ZNF581: variants seen among roughly 807,000 people sequenced by gnomAD.
ZNF581 encodes zinc finger protein 581.
Under a neutral mutation model 1.2 loss-of-function variants are expected in ZNF581, and 1 was observed. The ratio of observed to expected loss-of-function variants is 0.83; its 90% CI spans 0.30 to 3.95. The LOEUF (loss-of-function observed/expected upper bound fraction) is 3.95. Among genes scored for constraint, ZNF581 ranks in the 30% most tolerant of loss-of-function variants. ZNF581 has a pLI of 0.18. For missense variants in ZNF581, 273 were observed against 274.6 expected, an observed-to-expected ratio of 0.99 and a Z score of 0.04; for synonymous variants, 105 against 109.2, an observed-to-expected ratio of 0.96 and a Z score of 0.24.
chr19:55,642,612 C>T, upstream of ZNF581: 3 of 1,456,864 alleles, frequency 2.1e-6, no homozygotes, highest in South Asian at 4.5e-5. Flanking sequence ...GCGGAAGGCC[C>T]CTCCTCCACT....
chr19:55,636,095 A>G (rs1443266817), upstream of ZNF581, among the ~76,000 whole-genome samples: 1 of 152,204 alleles, frequency 6.6e-6, no homozygotes, highest in Non-Finnish European at 1.5e-5. Flanking sequence ...TTCTAGGCTG[A>G]GAAACTCGGA....
At chr19:55,641,226 A>T (rs1982447089), upstream of ZNF581, 1 of 968,322 alleles carries the variant, frequency 1.0e-6, no homozygotes, top group African/African-American at 1.8e-5. Context: ...CCCTGGGACG[A>T]CGCCGGGGCC....
chr19:55,641,535 AAGAG>A (rs539104463), upstream of ZNF581, among the ~76,000 whole-genome samples: 1 of 152,220 alleles, frequency 6.6e-6, no homozygotes, highest in Middle Eastern at 3.4e-3. Context: ...CACGAGGAGA[AAGAG>A]AGATGCCAGA....
At chr19:55,637,971 C>T (rs998595807), upstream of ZNF581, among the ~76,000 whole-genome samples, 1 of 152,142 alleles carries the variant, frequency 6.6e-6, no homozygotes, top group Non-Finnish European at 1.5e-5. Context: ...CACTACAGTG[C>T]CACTAGTTAT....
upstream of ZNF581, chr19:55,641,269 G>A (rs1249601677): frequency 3.6e-5 from 31 of 857,646 alleles, no homozygotes; most frequent in Non-Finnish European, 4.3e-5. Flanking sequence ...GGAGCCACCC[G>A]GGATGGGGGT....
At position 55,644,966 on chromosome 19, in the gene ZNF581, G is replaced by A. The variant is rs1480178022; in HGVS notation, c.395G>A (p.Arg132Gln). Reference protein sequence around the residue: ...KAFKRASHLARHHSIHLAGGG... With the variant: ...KAFKRASHLAQHHSIHLAGGG... ...TTCAAGCGCGCCAGCCACTTGGCAC[G>A]GCACCATTCCATTCACCTGGCGGGT... Residue 132 changes from arginine to glutamine, a missense_variant, in exon 2 of 2, where the codon CGG becomes CAG. Arg to Gln is a conservative substitution (Grantham distance 43, BLOSUM62 1). Coordinates refer to ENST00000270451, the MANE Select transcript of ZNF581 (RefSeq NM_016535.4). The surrounding 1 kb of genome is among the most constrained non-coding windows in gnomAD (Gnocchi z 4.3). 2.5e-6 allele frequency: 4 copies of A among 1,609,610 alleles called. No individual in the cohort carries two copies. Among genetic ancestry groups the A allele is most frequent in the Non-Finnish European group, 2.6e-6 (3 of 1,176,376 alleles).
At chr19:55,642,256 G>T, upstream of ZNF581, 1 of 1,230,726 alleles carries the variant, frequency 8.1e-7, no homozygotes, top group Non-Finnish European at 1.0e-6. Flanking sequence ...GTGAGAGGTG[G>T]ACCCAGGAGG....
At position 55,645,059 on chromosome 19, in the gene ZNF581, A is replaced by C; in HGVS notation, c.488A>C (p.His163Pro). 1 of 1,574,938 alleles carries C rather than the reference A, an allele frequency of 6.3e-7. No homozygotes were observed. The highest frequency in any genetic ancestry group is 8.7e-7 in the Non-Finnish European group (1 of 1,154,320). ...CGGGATGCGGGTGAGCTGGCCCAGCACAGCCGGGTGCACTCTGGGGAACGC... is the reference window on the plus strand; with the variant it reads ...CGGGATGCGGGTGAGCTGGCCCAGCCCAGCCGGGTGCACTCTGGGGAACGC... The part of the protein sequence containing the change: ...RFRDAGELAQ[H>P]SRVHSGERPF... Residue 163 changes from histidine to proline, a missense_variant, in exon 2 of 2, where the codon CAC (histidine) becomes CCC (proline). His to Pro is a moderately conservative substitution (Grantham distance 77). Coordinates refer to ENST00000270451, the MANE Select transcript of ZNF581 (RefSeq NM_016535.4).
upstream of ZNF581, among the ~76,000 whole-genome samples, chr19:55,637,918 T>A (rs1168682005): frequency 6.6e-6 from 1 of 152,168 alleles, no homozygotes; most frequent in Non-Finnish European, 1.5e-5. Context: ...TGCTTATTGT[T>A]GTCATTATTT....
At chr19:55,642,181 G>A (rs1012948934), upstream of ZNF581, 39 of 1,118,860 alleles carry the variant, frequency 3.5e-5, no homozygotes, top group Non-Finnish European at 4.3e-5. Flanking sequence ...TGTCTGCTGG[G>A]GTGGGTTGAG....
In ZNF581 at chr19:55,645,202, T is replaced by G. The variant is rs778386021; in HGVS notation, c.*37T>G. 1 of 1,497,590 alleles carries G rather than the reference T, an allele frequency of 6.7e-7. No homozygotes were observed. The highest frequency in any genetic ancestry group is 8.9e-7 in the Non-Finnish European group (1 of 1,118,886). 92.8% of individuals were successfully genotyped at this position (1,497,590 alleles called of 1,614,324 possible). A position where few individuals can be genotyped will look rare whatever the true frequency, so the allele number is the denominator to read the frequency against. Reference sequence around the variant, plus strand: ...GGGTGCCCCAGGTACCACAGGACTTTGCAGGGAGCCTGGACTCCTGTCCAG... The same window carrying G: ...GGGTGCCCCAGGTACCACAGGACTTGGCAGGGAGCCTGGACTCCTGTCCAG... On this transcript the variant is annotated 3_prime_UTR_variant, in exon 2 of 2. Transcript: ENST00000270451.
At chr19:55,635,815 G>A in intron 1 of ZNF581, 1 of 740,252 alleles carries the variant, frequency 1.4e-6, no homozygotes, top group Non-Finnish European at 1.7e-6. Flanking sequence ...TTTAAAAAGA[G>A]GAGCTGGTGG....
upstream of ZNF581, chr19:55,643,205 G>A (rs142744857): frequency 5.1e-5 from 58 of 1,135,708 alleles, no homozygotes; most frequent in African/African-American, 5.4e-4. Flanking sequence ...CCCCTTTCTA[G>A]CTGTGTGATG....
At chr19:55,643,457 C>T (rs969319494), upstream of ZNF581, 14 of 191,450 alleles carry the variant, frequency 7.3e-5, no homozygotes, top group Non-Finnish European at 1.3e-4. Flanking sequence ...GCTCAATAAA[C>T]ATTCCGCACT....
At chr19:55,639,673 G>A (rs569814387), upstream of ZNF581, among the ~76,000 whole-genome samples, 1 of 152,256 alleles carries the variant, frequency 6.6e-6, no homozygotes, top group South Asian at 2.1e-4. Flanking sequence ...CTGCAGTATA[G>A]TGGCACGATC....
At chr19:55,641,031 C>G (rs939146128), upstream of ZNF581, 284 of 985,200 alleles carry the variant, frequency 2.9e-4, no homozygotes, top group Non-Finnish European at 3.3e-4. Flanking sequence ...GCCAACCCCT[C>G]GCACCCCCGC....
upstream of ZNF581, chr19:55,642,704 A>G (rs1982595831): frequency 6.7e-7 from 1 of 1,485,300 alleles, no homozygotes; most frequent in Non-Finnish European, 8.9e-7. Flanking sequence ...CTACACATAC[A>G]CGGTGCAGCT....
At chr19:55,642,348 G>C, upstream of ZNF581, 1 of 1,271,354 alleles carries the variant, frequency 7.9e-7, no homozygotes, top group Non-Finnish European at 9.9e-7. Flanking sequence ...GGAGAGCCGG[G>C]CTGGAGTCAC....
upstream of ZNF581, chr19:55,642,205 A>C: frequency 1.7e-6 from 2 of 1,149,830 alleles, no homozygotes; most frequent in East Asian, 4.2e-5. Flanking sequence ...AGAAAAGGGA[A>C]GAAAAGTCGG....
Sources: gnomAD v4.1 joint callset for allele counts (sites outside exome capture counted in the v4.1 genomes callset) on GRCh38, gnomAD v4.1.1 for gene constraint, Gnocchi (gnomAD v3.1) non-coding constraint, MANE v1.5 for transcripts, NCBI Gene and HGNC (gene_info 2026-07-23, HGNC 2026-07-21) for gene names.